The following TTI1 variants were observed in gnomAD, a reference collection of about 807,000 sequenced individuals.
TTI1 encodes TELO2-interacting protein 1 homolog.
In TTI1, 52 loss-of-function variants were observed where a neutral mutation model predicts 85.4. The observed-to-expected ratio is 0.61, with a 90% CI of 0.49 to 0.77. The LOEUF (loss-of-function observed/expected upper bound fraction) is 0.77, where lower values mean the gene tolerates loss of function less well. TTI1 is among the 30% of genes least tolerant of loss of function. The pLI, the probability that TTI1 is intolerant of heterozygous loss-of-function variation, is 0.00. For missense variants in TTI1, 1,173 were observed against 1,296.0 expected (o/e 0.91, Z 1.46); for synonymous variants, 512 against 503.9 (o/e 1.02, Z -0.22).
At chr20:38,009,977 A>G (rs537706758) in intron 2 of TTI1, among the ~76,000 whole-genome samples, 2 of 152,304 alleles carry the variant, frequency 1.3e-5, no homozygotes, top group South Asian at 4.1e-4. Context: ...GTTTATCAGA[A>G]TCTGCCGTGA....
In TTI1 at chr20:38,006,515, C is replaced by T. The variant is rs2073502594; in HGVS notation, c.2303-118G>A. 26 of 1,125,728 alleles carry T rather than the reference C, an allele frequency of 2.3e-5. No individual in the cohort carries two copies. In the South Asian group the frequency reaches 3.8e-4, roughly 16 times the overall value. The allele number at this position is 1,125,728 out of a possible 1,614,324, so 69.7% of individuals were successfully genotyped here. A position where few individuals can be genotyped will look rare whatever the true frequency, so the allele number is the denominator to read the frequency against. On this transcript the variant is annotated intron_variant, in intron 2 of 7. Coordinates refer to ENST00000373447, the MANE Select transcript of TTI1 (RefSeq NM_001303457.2). Reference sequence around the variant, plus strand: ...AGCCCCCACATGATTCAGTCCCTGCCTGGCTCCCCGGCCTCCCAGTTGCCC... The same window carrying T: ...AGCCCCCACATGATTCAGTCCCTGCTTGGCTCCCCGGCCTCCCAGTTGCCC...
At chr20:38,006,800 G>A (rs1471245638) in intron 2 of TTI1, among the ~76,000 whole-genome samples, 1 of 152,130 alleles carries the variant, frequency 6.6e-6, no homozygotes, top group Non-Finnish European at 1.5e-5. Flanking sequence ...ATCACAATAT[G>A]TGATTATATA....
intron 7 of TTI1, among the ~76,000 whole-genome samples, chr20:37,986,560 T>C (rs1600597974): frequency 6.6e-6 from 1 of 152,232 alleles, no homozygotes; most frequent in Non-Finnish European, 1.5e-5. Context: ...ATGGCAGGAA[T>C]GCACGTTCCT....
In TTI1 at chr20:38,006,379, G is replaced by A. The variant is rs145450725; in HGVS notation, c.2321C>T (p.Thr774Ile). ...MAALAQWFPD[T>I]GNLGHLQEQS... ...CTCTTGGAGGTGCCCAAGATTACCT[G>A]TGTCTGGGAACCACTGGGCTGTAAA... The change falls in exon 3 of 8, where the codon ACA becomes ATA. Residue 774 changes from threonine to isoleucine, a missense_variant. Transcript: ENST00000373447. 5.0e-6 allele frequency: 8 copies of A among 1,614,020 alleles called. No homozygotes were observed. In the African/African-American group the frequency reaches 9.3e-5, roughly 19 times the overall value.
intron 4 of TTI1, among the ~76,000 whole-genome samples, chr20:38,000,852 C>T (rs1161876188): frequency 6.6e-6 from 1 of 152,138 alleles, no homozygotes; most frequent in Non-Finnish European, 1.5e-5. Flanking sequence ...TTCTCCTTGC[C>T]CCTTTGCAGG....
chr20:38,029,688 G>C (rs2073881559), intron 1 of TTI1, among the ~76,000 whole-genome samples: 1 of 152,066 alleles, frequency 6.6e-6, no homozygotes. Context: ...GGGTAATATG[G>C]GAATGCTATG....
In TTI1 at chr20:37,983,105, T is replaced by A. The variant is rs1453603535; in HGVS notation, c.*351A>T. 5.9e-6 allele frequency: 1 copy of A among 169,806 alleles called. No individual in the cohort carries two copies. Among genetic ancestry groups the A allele is most frequent in the East Asian group, 1.7e-4 (1 of 5,992 alleles). The allele number at this position is 169,806 out of a possible 1,614,324, so 10.5% of individuals were successfully genotyped here. A position where few individuals can be genotyped will look rare whatever the true frequency, so the allele number is the denominator to read the frequency against. ...AAACAAATTAGTTCCATCTCATTAT[T>A]TGAAGACAGGGAGGTGTATGCAGAT... On this transcript the variant is annotated 3_prime_UTR_variant, in exon 8 of 8. Transcript: ENST00000373447.
At chr20:38,009,610 G>A (rs2073552547) in intron 2 of TTI1, among the ~76,000 whole-genome samples, 1 of 151,818 alleles carries the variant, frequency 6.6e-6, no homozygotes, top group Admixed American at 6.6e-5. Context: ...GGGCTTAGGT[G>A]ATGCTTCTAC....
At chr20:37,998,041 T>C (rs776487815) in intron 5 of TTI1, among the ~76,000 whole-genome samples, 17 of 152,184 alleles carry the variant, frequency 1.1e-4, no homozygotes, top group Non-Finnish European at 1.9e-4. Flanking sequence ...GCAATTCTCC[T>C]GCCTCAGCCT....
intron 4 of TTI1, among the ~76,000 whole-genome samples, chr20:38,000,722 C>A (rs1330945682): frequency 2.0e-5 from 3 of 152,196 alleles, no homozygotes; most frequent in Non-Finnish European, 2.9e-5. Flanking sequence ...ATCAGGGGAG[C>A]AGAGTGGAAA....
chr20:37,995,179 C>A (rs1364825491), intron 7 of TTI1, among the ~76,000 whole-genome samples: 1 of 152,146 alleles, frequency 6.6e-6, no homozygotes, highest in Admixed American at 6.5e-5. Flanking sequence ...TTAGGATGCG[C>A]CCCTGTGCTC....
At chr20:38,008,642 A>G (rs1354608457) in intron 2 of TTI1, among the ~76,000 whole-genome samples, 2 of 152,186 alleles carry the variant, frequency 1.3e-5, no homozygotes, top group African/African-American at 2.4e-5. Flanking sequence ...TATGTTAATG[A>G]TAACTCAATT....
At position 37,996,731 on chromosome 20, in the gene TTI1, G is replaced by A; in HGVS notation, c.2998+18C>T. On this transcript the variant is annotated intron_variant, in intron 6 of 7. Transcript: ENST00000373447. ...GATGCTAAGTGTGTGTGTTCAGGTG[G>A]AACTGCCTGGTACCCACCTAGGTCC... The A allele has an allele frequency of 6.3e-7, 1 of 1,591,826 alleles. No individual in the cohort carries two copies. Among genetic ancestry groups the A allele is most frequent in the Non-Finnish European group, 8.6e-7 (1 of 1,165,600 alleles).
chr20:37,984,057 G>T (rs763549406), intron 7 of TTI1, among the ~76,000 whole-genome samples: 1 of 152,178 alleles, frequency 6.6e-6, no homozygotes, highest in Non-Finnish European at 1.5e-5. Flanking sequence ...CCAGGGCAGG[G>T]CTCCCTGTCC....
intron 7 of TTI1, among the ~76,000 whole-genome samples, chr20:37,994,569 C>T (rs909708508): frequency 6.8e-6 from 1 of 146,224 alleles, no homozygotes; most frequent in Non-Finnish European, 1.5e-5. Context: ...TTATTAATTT[C>T]AGCATCAAGA....
intron 1 of TTI1, among the ~76,000 whole-genome samples, chr20:38,020,323 A>AAAAAATATATATATATATATATATAT: frequency 9.9e-5 from 5 of 50,376 alleles, no homozygotes; most frequent in South Asian, 1.8e-3. Flanking sequence ...AAAAAAAAAA[A>AAAAAATATATATATATATATATATAT]ATATATATAT....
chr20:38,006,366 C>T lies in TTI1; in HGVS notation c.2334G>A (p.Gly778=), dbSNP rs763726651. The T allele has an allele frequency of 6.2e-7, 1 of 1,614,114 alleles. No individual in the cohort carries two copies. Among genetic ancestry groups the T allele is most frequent in the Non-Finnish European group, 8.5e-7 (1 of 1,180,020 alleles). ...CTCCTAAACTTTGCTCTTGGAGGTG[C>T]CCAAGATTACCTGTGTCTGGGAACC... ...AQWFPDTGNL[G]HLQEQSLGEE... Residue 778 remains glycine, a synonymous_variant, in exon 3 of 8, where the codon GGG becomes GGA. Coordinates refer to ENST00000373447, the MANE Select transcript of TTI1 (RefSeq NM_001303457.2).
At chr20:38,005,703 A>G (rs2122552725) in intron 3 of TTI1, 1 of 153,092 alleles carries the variant, frequency 6.5e-6, no homozygotes, top group African/African-American at 2.4e-5. Flanking sequence ...CCTTTTTGAA[A>G]GGCAATTTGG....
chr20:37,998,549 T>G (rs2122519305), intron 5 of TTI1, among the ~76,000 whole-genome samples: 1 of 152,274 alleles, frequency 6.6e-6, no homozygotes, highest in Admixed American at 6.5e-5. Context: ...AGCTAAAATA[T>G]CCGTGCTAAT....
Sources: allele counts gnomAD v4.1 joint callset (sites outside exome capture counted in the v4.1 genomes callset), GRCh38; gene constraint gnomAD v4.1.1; transcripts MANE v1.5; gene names NCBI Gene and HGNC (gene_info 2026-07-23, HGNC 2026-07-21).